Variants in MACROD2 observed in about 807,000 individuals in gnomAD.
MACROD2 encodes the protein mono-ADP ribosylhydrolase 2.
In MACROD2, 36 loss-of-function variants were observed where a neutral mutation model predicts 70.4. That is an observed-to-expected ratio of 0.51 (90% confidence interval 0.39 to 0.68). The LOEUF (loss-of-function observed/expected upper bound fraction) is 0.68, where lower values mean the gene tolerates loss of function less well. MACROD2 is among the 30% of genes least tolerant of loss of function. MACROD2 has a pLI of 0.00. For missense variants in MACROD2, 496 were observed against 538.4 expected (o/e 0.92, Z 0.78); for synonymous variants, 172 against 178.8 (o/e 0.96, Z 0.30).
chr20:15,235,186 A>G (rs1750849190), intron 6 of MACROD2, among the ~76,000 whole-genome samples: 1 of 152,216 alleles, frequency 6.6e-6, no homozygotes, highest in Non-Finnish European at 1.5e-5. Context: ...TTTGAAAAAA[A>G]CATAATCTGC....
At chr20:14,863,295 C>T (rs1200101751) in intron 5 of MACROD2, among the ~76,000 whole-genome samples, 1 of 152,118 alleles carries the variant, frequency 6.6e-6, no homozygotes, top group Non-Finnish European at 1.5e-5. Context: ...GCACATTTCA[C>T]ATTGTAGATT....
intron 3 of MACROD2, among the ~76,000 whole-genome samples, chr20:14,287,355 A>G (rs2082353203): frequency 6.6e-6 from 1 of 152,166 alleles, no homozygotes; most frequent in Admixed American, 6.5e-5. Context: ...GGAGGTGATT[A>G]CAAAATTGGA....
At chr20:16,010,949 G>A (rs1283603289) in intron 15 of MACROD2, among the ~76,000 whole-genome samples, 1 of 152,186 alleles carries the variant, frequency 6.6e-6, no homozygotes, top group Non-Finnish European at 1.5e-5. Flanking sequence ...CTTTTCACAT[G>A]GTGAAAATAC....
At chr20:14,569,126 G>T (rs1980014959) in intron 4 of MACROD2, among the ~76,000 whole-genome samples, 1 of 151,954 alleles carries the variant, frequency 6.6e-6, no homozygotes, top group Non-Finnish European at 1.5e-5. Context: ...TCTGTCCTTT[G>T]TCTACCTCAG....
chr20:14,452,768 T>C (rs2084258803), intron 3 of MACROD2, among the ~76,000 whole-genome samples: 1 of 152,190 alleles, frequency 6.6e-6, no homozygotes, highest in African/African-American at 2.4e-5. Context: ...TGTCTTTTGT[T>C]CAAATGTGGA....
Position 15,322,086 on chromosome 20 carries a change from C to T in MACROD2, c.540+92025C>T, listed in dbSNP as rs1367179887. On this transcript the variant is annotated intron_variant, in intron 6 of 17. Transcript: ENST00000684519. The stretch of plus-strand genomic sequence containing the variant: ...GATTACAGGCATGAGCCACTGCACC[C>T]GGCCACTACACACAGTCTTTAAACT... Among the ~76,000 whole-genome samples the T allele has an allele frequency of 4.9e-5, 7 of 143,940 alleles. 2 individuals are homozygous for T. Among genetic ancestry groups the T allele is most frequent in the Admixed American group, 1.4e-4 (2 of 14,320 alleles). The allele number at this position is 143,940 out of a possible 152,430, so 94.4% of individuals were successfully genotyped here.
chr20:15,039,648 A>G (rs1206887281), intron 5 of MACROD2, among the ~76,000 whole-genome samples: 1 of 152,020 alleles, frequency 6.6e-6, no homozygotes, highest in East Asian at 1.9e-4. Context: ...GGAGAGTGTG[A>G]TAGACAACTA....
intron 5 of MACROD2, among the ~76,000 whole-genome samples, chr20:14,937,557 G>A (rs2074351320): frequency 6.6e-6 from 1 of 151,828 alleles, no homozygotes; most frequent in African/African-American, 2.4e-5. Context: ...ATAATAATGA[G>A]GTATATTTAT....
intron 13 of MACROD2, among the ~76,000 whole-genome samples, chr20:15,977,967 G>T (rs1399228179): frequency 6.6e-6 from 1 of 152,206 alleles, no homozygotes. Flanking sequence ...GTAATGTGAT[G>T]ATTAGAGATT....
chr20:15,004,134 C>G (rs2075017507), intron 5 of MACROD2, among the ~76,000 whole-genome samples: 1 of 152,206 alleles, frequency 6.6e-6, no homozygotes, highest in Non-Finnish European at 1.5e-5. Context: ...GGTTTGAGTA[C>G]TAACTCTCTC....
intron 5 of MACROD2, among the ~76,000 whole-genome samples, chr20:14,785,083 C>T (rs910445612): frequency 6.6e-6 from 1 of 152,022 alleles, no homozygotes; most frequent in East Asian, 1.9e-4. Context: ...TTTCAATTAA[C>T]TTCTGCATGG....
chr20:14,738,492 C>T (rs980084157), intron 5 of MACROD2, among the ~76,000 whole-genome samples: 43 of 152,080 alleles, frequency 2.8e-4, no homozygotes, highest in African/African-American at 8.2e-4. Context: ...TCTTCCCCTC[C>T]GTTATTTTTC....
chr20:14,035,568 A>C (rs1569127371), intron 2 of MACROD2, among the ~76,000 whole-genome samples: 1 of 152,200 alleles, frequency 6.6e-6, no homozygotes, highest in Non-Finnish European at 1.5e-5. Flanking sequence ...GTATCATCAT[A>C]TGACAGGTTG....
chr20:15,899,822 C>G (rs1568627111), intron 10 of MACROD2, among the ~76,000 whole-genome samples: 3 of 152,108 alleles, frequency 2.0e-5, no homozygotes, highest in Admixed American at 6.5e-5. Context: ...TTAATGATGT[C>G]TTTTGTCAGA....
At chr20:14,447,048 TC>T (rs1247688247) in intron 3 of MACROD2, among the ~76,000 whole-genome samples, 1 of 152,064 alleles carries the variant, frequency 6.6e-6, no homozygotes, top group Non-Finnish European at 1.5e-5. Context: ...AGATGGAGTC[TC>T]GCTCTGTCGC....
intron 5 of MACROD2, among the ~76,000 whole-genome samples, chr20:14,708,345 A>G (rs1432173117): frequency 6.6e-6 from 1 of 152,166 alleles, no homozygotes; most frequent in African/African-American, 2.4e-5. Flanking sequence ...CTGCCAGTAT[A>G]GTTCGAAAGA....
chr20:14,685,142 A>G, intron 5 of MACROD2, 183 bp downstream of exon 5: 1 of 383,632 alleles, frequency 2.6e-6, no homozygotes, highest in South Asian at 3.7e-5. Flanking sequence ...ACATATATAT[A>G]AAATATACAT....
At chr20:15,018,280 CTT>C (rs946423655) in intron 5 of MACROD2, among the ~76,000 whole-genome samples, 8 of 152,200 alleles carry the variant, frequency 5.3e-5, no homozygotes, top group Admixed American at 2.0e-4. Context: ...CCGCCAGACT[CTT>C]TGCCAAAACA....
At chr20:14,825,102 C>A (rs897353509) in intron 5 of MACROD2, among the ~76,000 whole-genome samples, 7 of 152,060 alleles carry the variant, frequency 4.6e-5, no homozygotes, top group Admixed American at 6.6e-5. Flanking sequence ...ATTGTCACTG[C>A]TGCAGGCACG....
Sources: gnomAD v4.1 joint callset for allele counts (sites outside exome capture counted in the v4.1 genomes callset) on GRCh38, gnomAD v4.1.1 for gene constraint, MANE v1.5 for transcripts, NCBI Gene and HGNC (gene_info 2026-07-23, HGNC 2026-07-21) for gene names.